Variants in NRXN1 observed in about 807,000 individuals in gnomAD.
NRXN1 encodes neurexin 1.
A neutral mutation model predicts 150.9 loss-of-function variants in NRXN1; 39 were observed. The observed-to-expected ratio is 0.26, with a 90% CI of 0.20 to 0.34. The LOEUF (loss-of-function observed/expected upper bound fraction) is 0.34, where lower values mean the gene tolerates loss of function less well. NRXN1 is among the 10% of genes least tolerant of loss of function. The pLI is 1.00. For missense variants in NRXN1, 1,815 were observed against 1,949.9 expected, an observed-to-expected ratio of 0.93 and a Z score of 1.30; for synonymous variants, 924 against 757.0, an observed-to-expected ratio of 1.22 and a Z score of -3.62.
At chr2:50,262,398 A>C (rs1366633486) in intron 17 of NRXN1, among the ~76,000 whole-genome samples, 1 of 151,912 alleles carries the variant, frequency 6.6e-6, no homozygotes, top group Non-Finnish European at 1.5e-5. Context: ...AATCCATAGA[A>C]ATAGTAGTCT....
intron 21 of NRXN1, among the ~76,000 whole-genome samples, chr2:50,041,735 T>C (rs1368040454): frequency 6.6e-6 from 1 of 152,236 alleles, no homozygotes; most frequent in Non-Finnish European, 1.5e-5. Flanking sequence ...AGACTGCTTT[T>C]TATTATTAGA....
chr2:49,926,322 TCC>T (rs1669101718), intron 22 of NRXN1: 1 of 398,320 alleles, frequency 2.5e-6, no homozygotes, highest in South Asian at 1.3e-4. Flanking sequence ...TTTTAATCCT[TCC>T]TCTCTCTTCT....
chr2:49,974,431 C>A (rs569318932), intron 21 of NRXN1, among the ~76,000 whole-genome samples: 61 of 152,294 alleles, frequency 4.0e-4, no homozygotes, highest in Middle Eastern at 3.4e-3. Context: ...TATTTTCATG[C>A]ACGAACATTT....
intron 15 of NRXN1, among the ~76,000 whole-genome samples, chr2:50,485,870 T>C (rs749543961): frequency 3.9e-5 from 6 of 152,234 alleles, no homozygotes; most frequent in Non-Finnish European, 8.8e-5. Flanking sequence ...GTCAAAAAGC[T>C]GTCGAAAGAT....
chr2:50,645,357 A>C (rs886925410), intron 5 of NRXN1, among the ~76,000 whole-genome samples: 3 of 152,028 alleles, frequency 2.0e-5, no homozygotes, highest in Admixed American at 1.3e-4. Flanking sequence ...AAAATAAATA[A>C]TACAAGAATG....
chr2:49,936,695 C>T (rs986304115), intron 22 of NRXN1, among the ~76,000 whole-genome samples: 1 of 150,146 alleles, frequency 6.7e-6, no homozygotes, highest in Non-Finnish European at 1.5e-5. Flanking sequence ...AAGAGCTTTT[C>T]TAAAGTGTAG....
At chr2:50,047,506 T>A (rs1297750726) in intron 21 of NRXN1, among the ~76,000 whole-genome samples, 1 of 152,108 alleles carries the variant, frequency 6.6e-6, no homozygotes, top group African/African-American at 2.4e-5. Context: ...TGGCTTCCAG[T>A]TTCCTAAGAA....
chr2:51,015,552 T>A (rs1429708681), intron 2 of NRXN1, among the ~76,000 whole-genome samples: 1 of 152,018 alleles, frequency 6.6e-6, no homozygotes, highest in Non-Finnish European at 1.5e-5. Flanking sequence ...AGGAGCACCA[T>A]TCCCAGAAGA....
rs1695930193 is a variant in NRXN1 at position 50,976,885 on chromosome 2, G to T, written c.772+50617C>A. On this transcript the variant is annotated intron_variant, in intron 2 of 22. Coordinates refer to ENST00000401669, the MANE Select transcript of NRXN1 (RefSeq NM_001330078.2). Reference sequence around the variant, plus strand: ...GATTCATATTAAGATATAGCCAAAAGAATTCATGATTCCGTTACCTCCTTC... The same window carrying T: ...GATTCATATTAAGATATAGCCAAAATAATTCATGATTCCGTTACCTCCTTC... Among the ~76,000 whole-genome samples the T allele has an allele frequency of 2.6e-5, 4 of 152,114 alleles. No individual in the cohort carries two copies. In the South Asian group the frequency reaches 8.3e-4, roughly 32 times the overall value.
At chr2:50,428,308 T>C (rs1011053620) in intron 17 of NRXN1, among the ~76,000 whole-genome samples, 1 of 152,078 alleles carries the variant, frequency 6.6e-6, no homozygotes, top group African/African-American at 2.4e-5. Context: ...TCAGCTACTC[T>C]GGAGGCTGAG....
chr2:50,487,447 T>C (rs528301178), intron 15 of NRXN1, among the ~76,000 whole-genome samples: 4 of 152,292 alleles, frequency 2.6e-5, no homozygotes, highest in African/African-American at 4.8e-5. Flanking sequence ...CCTAATGTGG[T>C]TCCTAAGGAG....
At chr2:50,945,543 T>C (rs1690218172) in intron 2 of NRXN1, among the ~76,000 whole-genome samples, 1 of 151,916 alleles carries the variant, frequency 6.6e-6, no homozygotes, top group South Asian at 2.1e-4. Flanking sequence ...TATATGGCTA[T>C]GTTGCAATAA....
chr2:50,733,287 T>C (rs944019385), intron 5 of NRXN1, among the ~76,000 whole-genome samples: 1 of 152,152 alleles, frequency 6.6e-6, no homozygotes, highest in Admixed American at 6.5e-5. Flanking sequence ...CACTGATGAA[T>C]AGAAACCAAC....
At chr2:50,628,503 A>T (rs1681605993) in intron 5 of NRXN1, among the ~76,000 whole-genome samples, 1 of 151,720 alleles carries the variant, frequency 6.6e-6, no homozygotes, top group African/African-American at 2.4e-5. Flanking sequence ...CTACATGAAA[A>T]TACAAAAATC....
rs116300414 is a variant in NRXN1, at chr2:50,630,099, T to C, written c.833-6484A>G. ...TTAAGAGTCTGCCATGGGATTTCAG[T>C]CCCATTCCATATCCGACACACTATA... On this transcript the variant is annotated intron_variant, in intron 5 of 22. Coordinates refer to ENST00000401669, the MANE Select transcript of NRXN1 (RefSeq NM_001330078.2). 6.4e-3 allele frequency among the ~76,000 whole-genome samples: 975 copies of C among 151,784 alleles called. 13 individuals are homozygous for C. The highest frequency in any genetic ancestry group is 0.022 in the African/African-American group (911 of 41,504).
At chr2:50,740,545 T>C (rs976461724) in intron 5 of NRXN1, among the ~76,000 whole-genome samples, 1 of 152,176 alleles carries the variant, frequency 6.6e-6, no homozygotes, top group African/African-American at 2.4e-5. Flanking sequence ...CCTAATAAAC[T>C]GGTGTATTTT....
intron 8 of NRXN1, among the ~76,000 whole-genome samples, chr2:50,564,282 T>C (rs1270470780): frequency 6.6e-6 from 1 of 152,226 alleles, no homozygotes; most frequent in Non-Finnish European, 1.5e-5. Flanking sequence ...ACTGTTGCTA[T>C]TATGATCTTA....
chr2:50,413,698 G>T (rs2083344677), intron 17 of NRXN1, among the ~76,000 whole-genome samples: 1 of 152,038 alleles, frequency 6.6e-6, no homozygotes, highest in African/African-American at 2.4e-5. Flanking sequence ...CCCAAAGAAA[G>T]GAAATCAGTA....
intron 12 of NRXN1, among the ~76,000 whole-genome samples, chr2:50,510,508 A>AC (rs2092412765): frequency 6.7e-6 from 1 of 149,484 alleles, no homozygotes; most frequent in Non-Finnish European, 1.5e-5. Flanking sequence ...AAAAAAAAAA[A>AC]AAAAACCACA....
Sources: gnomAD v4.1 joint callset for allele counts (sites outside exome capture counted in the v4.1 genomes callset) on GRCh38, gnomAD v4.1.1 for gene constraint, MANE v1.5 for transcripts, NCBI Gene and HGNC (gene_info 2026-07-23, HGNC 2026-07-21) for gene names.